The following THADA variants were observed in gnomAD, a reference collection of about 807,000 sequenced individuals.
THADA encodes the protein tRNA (32-2'-O)-methyltransferase regulator THADA.
A neutral mutation model predicts 219.8 loss-of-function variants in THADA; 213 were observed. The ratio of observed to expected loss-of-function variants is 0.97; its 90% CI spans 0.87 to 1.09. The LOEUF (loss-of-function observed/expected upper bound fraction) is 1.09. Among genes scored for constraint, THADA ranks in the 50% least tolerant of loss-of-function variants. The pLI is 0.00. For synonymous variants in THADA, 1,018 were observed against 828.9 expected (o/e 1.23, Z -3.92); for missense variants, 2,956 against 2,311.3 (o/e 1.28, Z -5.72).
chr2:43,593,950 C>T (rs1038691601), intron 1 of THADA, among the ~76,000 whole-genome samples: 9 of 152,066 alleles, frequency 5.9e-5, no homozygotes, highest in African/African-American at 9.7e-5. Context: ...TCTTGTCTTG[C>T]TATTAGATTA....
intron 29 of THADA, among the ~76,000 whole-genome samples, chr2:43,349,550 A>G (rs1419152101): frequency 6.6e-6 from 1 of 152,190 alleles, no homozygotes; most frequent in African/African-American, 2.4e-5. Context: ...TGGGAATGCA[A>G]CGCTGAGATG....
intron 36 of THADA, among the ~76,000 whole-genome samples, chr2:43,241,604 G>A (rs1279267253): frequency 6.6e-6 from 1 of 150,422 alleles, no homozygotes; most frequent in Non-Finnish European, 1.5e-5. Context: ...AAAAAAATCA[G>A]GGCAATTCTC....
intron 29 of THADA, among the ~76,000 whole-genome samples, chr2:43,397,107 A>G (rs376280786): frequency 2.0e-5 from 3 of 151,528 alleles, no homozygotes; most frequent in Admixed American, 1.3e-4. Context: ...TAGATCTGAG[A>G]TTCACACCCA....
chr2:43,436,613 G>A (rs1680150931), intron 26 of THADA, among the ~76,000 whole-genome samples: 1 of 152,156 alleles, frequency 6.6e-6, no homozygotes, highest in Admixed American at 6.5e-5. Flanking sequence ...ACAGCTGAAT[G>A]CCACTCAGCT....
At chr2:43,366,077 T>C (rs532367467) in intron 29 of THADA, among the ~76,000 whole-genome samples, 3 of 152,310 alleles carry the variant, frequency 2.0e-5, no homozygotes, top group African/African-American at 7.2e-5. Flanking sequence ...TATCTTTGTG[T>C]CACCACTAAA....
At position 43,494,902 on chromosome 2, in the gene THADA, A is replaced by G. The variant is rs80155096; in HGVS notation, c.3744+3931T>C. On this transcript the variant is annotated intron_variant, in intron 25 of 37. Transcript: ENST00000405975. ...GTCTGTAAAAACAAATTAAATATAT[A>G]CATGAATGCTTTCTGAAAAATGTTT... is the stretch of plus-strand genomic sequence containing the variant. 7.4e-4 allele frequency among the ~76,000 whole-genome samples: 112 copies of G among 152,356 alleles called. No homozygotes were observed. The East Asian group carries it at 0.021, about 28-fold the overall frequency.
At chr2:43,516,718 G>A (rs1340854694) in intron 22 of THADA, among the ~76,000 whole-genome samples, 2 of 152,066 alleles carry the variant, frequency 1.3e-5, no homozygotes, top group African/African-American at 2.4e-5. Context: ...CTAATAAAAA[G>A]GCATTATTTC....
chr2:43,357,975 A>T (rs935285564), intron 29 of THADA, among the ~76,000 whole-genome samples: 10 of 152,186 alleles, frequency 6.6e-5, no homozygotes, highest in African/African-American at 2.4e-4. Context: ...CCTTTCACTC[A>T]GCTTCCTCCA....
chr2:43,350,109 CT>C (rs543495367), intron 29 of THADA, among the ~76,000 whole-genome samples: 38 of 152,166 alleles, frequency 2.5e-4, no homozygotes, highest in African/African-American at 8.7e-4. Flanking sequence ...TCTCGACTCA[CT>C]GGGTAGAACA....
intron 15 of THADA, chr2:43,563,582 C>T (rs1698328707): frequency 6.6e-6 from 1 of 152,150 alleles, no homozygotes; most frequent in Non-Finnish European, 1.5e-5. Context: ...TTGTTTGGGA[C>T]TGTGAATATC....
intron 21 of THADA, among the ~76,000 whole-genome samples, chr2:43,539,860 G>A (rs1695081335): frequency 6.6e-6 from 1 of 151,688 alleles, no homozygotes; most frequent in Admixed American, 6.6e-5. Context: ...TAACACGGCT[G>A]TCGCACACAA....
chr2:43,425,463 TG>T, intron 28 of THADA, among the ~76,000 whole-genome samples: 1 of 151,256 alleles, frequency 6.6e-6, no homozygotes, highest in East Asian at 1.9e-4. Context: ...TGTGTGTGTG[TG>T]TGTGTGTGTG....
At chr2:43,407,682 C>T (rs1035004539) in intron 28 of THADA, among the ~76,000 whole-genome samples, 1 of 151,926 alleles carries the variant, frequency 6.6e-6, no homozygotes, top group African/African-American at 2.4e-5. Flanking sequence ...GATATCCACG[C>T]TAAAAAGAAG....
intron 29 of THADA, among the ~76,000 whole-genome samples, chr2:43,389,259 G>C (rs573928915): frequency 6.6e-6 from 1 of 152,204 alleles, no homozygotes; most frequent in South Asian, 2.1e-4. Context: ...CATGCTCCCA[G>C]CTTTTGTGTA....
At chr2:43,421,893 T>C (rs1249689852) in intron 28 of THADA, among the ~76,000 whole-genome samples, 2 of 152,224 alleles carry the variant, frequency 1.3e-5, no homozygotes, top group African/African-American at 4.8e-5. Flanking sequence ...CATCCCAACT[T>C]CTTTTCTTTG....
At chr2:43,361,465 T>A (rs1488022757) in intron 29 of THADA, among the ~76,000 whole-genome samples, 1 of 152,240 alleles carries the variant, frequency 6.6e-6, no homozygotes, top group Non-Finnish European at 1.5e-5. Context: ...TCAGTGCTGA[T>A]GTGAAAAGGA....
At chr2:43,580,635 G>A (rs1448564134) in intron 8 of THADA, among the ~76,000 whole-genome samples, 1 of 151,838 alleles carries the variant, frequency 6.6e-6, no homozygotes, top group East Asian at 2.0e-4. Flanking sequence ...GCCACTTTGG[G>A]AGGCCAAGGC....
intron 29 of THADA, among the ~76,000 whole-genome samples, chr2:43,362,157 G>C (rs147024383): frequency 4.1e-4 from 63 of 152,308 alleles, no homozygotes; most frequent in African/African-American, 1.4e-3. Context: ...AATCTGGCCA[G>C]TTTGCTTTTA....
intron 29 of THADA, among the ~76,000 whole-genome samples, chr2:43,395,526 T>C (rs750917894): frequency 6.7e-6 from 1 of 150,110 alleles, no homozygotes; most frequent in Non-Finnish European, 1.5e-5. Flanking sequence ...TAACACAGAC[T>C]AGATTATCTG....
Sources: gnomAD v4.1 joint callset for allele counts (sites outside exome capture counted in the v4.1 genomes callset) on GRCh38, gnomAD v4.1.1 for gene constraint, MANE v1.5 for transcripts, NCBI Gene and HGNC (gene_info 2026-07-23, HGNC 2026-07-21) for gene names.